Variants in ANO6 observed in about 807,000 individuals in gnomAD.
The protein encoded by ANO6 is anoctamin 6, also known as anoctamin-6.
In ANO6, 106 loss-of-function variants were observed where a neutral mutation model predicts 117.5. The observed-to-expected ratio is 0.90, with a 90% CI of 0.77 to 1.06. ANO6 has a LOEUF of 1.06. Among genes scored for constraint, ANO6 ranks in the 50% least tolerant of loss-of-function variants. The probability of loss-of-function intolerance (pLI) is 0.00; values close to 1 mark genes in which losing one functional copy is unlikely to be tolerated. For missense variants in ANO6, 955 were observed against 1,121.1 expected (o/e 0.85, Z 2.12); for synonymous variants, 367 against 385.1 (o/e 0.95, Z 0.55).
At chr12:45,408,711 G>A (rs912192463) in intron 15 of ANO6, among the ~76,000 whole-genome samples, 1 of 151,844 alleles carries the variant, frequency 6.6e-6, no homozygotes, top group Non-Finnish European at 1.5e-5. Flanking sequence ...ATTTCCCTCC[G>A]AGGAAAAAAA....
Position 45,378,083 on chromosome 12 carries a change from C to T in ANO6, c.1135C>T (p.Leu379=). The change falls in exon 10 of 20, where the codon CTG becomes TTG. Residue 379 remains leucine (L), a synonymous_variant. Coordinates refer to ENST00000320560, the MANE Select transcript of ANO6 (RefSeq NM_001025356.3). ...GTGCATCTTCGACAGTTTTGGAACC[C>T]TGGTCTTTGCAGTATTTATGGGAGT... The part of the protein sequence containing the change: ...KLCIFDSFGT[L]VFAVFMGVWV... 6.2e-7 allele frequency: 1 copy of T among 1,609,698 alleles called. No homozygotes were observed. Among genetic ancestry groups the T allele is most frequent in the Non-Finnish European group, 8.5e-7 (1 of 1,178,564 alleles).
At chr12:45,306,252 G>C (rs1209360301) in intron 2 of ANO6, among the ~76,000 whole-genome samples, 1 of 152,180 alleles carries the variant, frequency 6.6e-6, no homozygotes, top group African/African-American at 2.4e-5. Context: ...GAAGCTGGAA[G>C]ATTCTTCTTG....
In ANO6 at chr12:45,431,246, G is replaced by T. The variant is rs1170579538; in HGVS notation, c.*1935G>T. On this transcript the variant is annotated 3_prime_UTR_variant, in exon 20 of 20. Coordinates refer to ENST00000320560, the MANE Select transcript of ANO6 (RefSeq NM_001025356.3). ...CACTGAAGGAAACTCTTTCTCATTC[G>T]CAGCCAAGACGGGAGTGCCACTGTT... 2.0e-6 allele frequency: 2 copies of T among 985,200 alleles called. No homozygotes were observed. The highest frequency in any genetic ancestry group is 2.4e-6 in the Non-Finnish European group (2 of 829,932). 61.0% of individuals were successfully genotyped at this position (985,200 alleles called of 1,614,324 possible).
intron 1 of ANO6, among the ~76,000 whole-genome samples, chr12:45,234,965 G>C (rs1477259100): frequency 6.7e-6 from 1 of 149,804 alleles, no homozygotes; most frequent in Non-Finnish European, 1.5e-5. Context: ...TGTTGCTCTT[G>C]TCAGTGTTTA....
rs569517484 is a variant in ANO6 at position 45,288,272 on chromosome 12, G to A, written c.71-13742G>A. 3.9e-5 allele frequency among the ~76,000 whole-genome samples: 6 copies of A among 152,268 alleles called. No homozygotes were observed. In the South Asian group the frequency reaches 6.2e-4, roughly 16 times the overall value. ...AAACTTACCATTTTAACCATTAAGTGTATAGTTCAGCACTTAAAAGCATTA... is the reference window on the plus strand; with the variant it reads ...AAACTTACCATTTTAACCATTAAGTATATAGTTCAGCACTTAAAAGCATTA... On this transcript the variant is annotated intron_variant, in intron 1 of 19. Coordinates refer to ENST00000320560, the MANE Select transcript of ANO6 (RefSeq NM_001025356.3).
At chr12:45,334,936 T>G (rs989532069) in intron 3 of ANO6, among the ~76,000 whole-genome samples, 2 of 152,042 alleles carry the variant, frequency 1.3e-5, no homozygotes, top group African/African-American at 4.8e-5. Flanking sequence ...TTTTGTCTGA[T>G]GCTTGCCTTC....
chr12:45,375,980 A>T (rs1026155526), intron 9 of ANO6, among the ~76,000 whole-genome samples: 2 of 149,960 alleles, frequency 1.3e-5, no homozygotes, highest in Non-Finnish European at 3.0e-5. Context: ...AATATCCAGA[A>T]TCTACAATGA....
intron 3 of ANO6, among the ~76,000 whole-genome samples, chr12:45,341,877 C>G (rs1028008715): frequency 6.6e-6 from 1 of 151,934 alleles, no homozygotes; most frequent in Non-Finnish European, 1.5e-5. Context: ...TAAGGGAAGT[C>G]GAGCATGTTA....
At chr12:45,267,022 C>G (rs1938241223) in intron 1 of ANO6, among the ~76,000 whole-genome samples, 1 of 152,092 alleles carries the variant, frequency 6.6e-6, no homozygotes, top group Non-Finnish European at 1.5e-5. Flanking sequence ...GGCTTTTCAC[C>G]TGTTGAAGAC....
chr12:45,336,082 A>G (rs995400416), intron 3 of ANO6, among the ~76,000 whole-genome samples: 7 of 152,058 alleles, frequency 4.6e-5, no homozygotes, highest in Admixed American at 2.6e-4. Context: ...GAATGTTTCT[A>G]AAATTTCACT....
intron 16 of ANO6, among the ~76,000 whole-genome samples, chr12:45,410,725 A>G (rs1356120215): frequency 6.6e-6 from 1 of 152,212 alleles, no homozygotes; most frequent in African/African-American, 2.4e-5. Context: ...GTTGGCAAAG[A>G]CACCCCTTTG....
At chr12:45,379,911 G>C (rs987022528) in intron 10 of ANO6, among the ~76,000 whole-genome samples, 1 of 152,278 alleles carries the variant, frequency 6.6e-6, no homozygotes, top group Non-Finnish European at 1.5e-5. Flanking sequence ...TAAGTGCTTT[G>C]TGTGGCTTTC....
intron 16 of ANO6, 48 bp downstream of exon 16, chr12:45,409,535 G>A (rs1943032667): frequency 6.3e-7 from 1 of 1,591,536 alleles, no homozygotes; most frequent in East Asian, 2.2e-5. Flanking sequence ...GTTAGAGTAT[G>A]TTGTGGATAC....
intron 2 of ANO6, chr12:45,313,294 A>C (rs1293876855): frequency 6.6e-6 from 1 of 151,982 alleles, no homozygotes; most frequent in Non-Finnish European, 1.5e-5. Context: ...CTGCTCTCAG[A>C]CCTCTGTGGA....
intron 2 of ANO6, among the ~76,000 whole-genome samples, chr12:45,321,295 A>T (rs530185391): frequency 6.6e-6 from 1 of 152,186 alleles, no homozygotes; most frequent in Non-Finnish European, 1.5e-5. Flanking sequence ...GTTAGTTGCA[A>T]TGTGGAATGT....
intron 3 of ANO6, 86 bp downstream of exon 3, chr12:45,331,509 A>G: frequency 8.2e-7 from 1 of 1,217,438 alleles, no homozygotes; most frequent in Non-Finnish European, 1.1e-6. Flanking sequence ...AATAAAGTGA[A>G]ACTGATGTTG....
At chr12:45,291,365 A>C (rs1218763050) in intron 1 of ANO6, among the ~76,000 whole-genome samples, 1 of 151,376 alleles carries the variant, frequency 6.6e-6, no homozygotes, top group Admixed American at 6.6e-5. Flanking sequence ...AAAAAAAAAA[A>C]AAAACACAAA....
At chr12:45,287,932 A>AT (rs1397152454) in intron 1 of ANO6, among the ~76,000 whole-genome samples, 1 of 152,192 alleles carries the variant, frequency 6.6e-6, no homozygotes, top group African/African-American at 2.4e-5. Flanking sequence ...AAACATAACA[A>AT]TTTTTAAAAT....
chr12:45,402,028 C>G lies in ANO6; in HGVS notation c.1612+8C>G. On this transcript the variant is annotated splice_region_variant and intron_variant, in intron 13 of 19. Transcript: ENST00000320560. The stretch of plus-strand genomic sequence containing the variant: ...TTATGATTACTAACTTCGGTAAGGT[C>G]CTACTATAGCTTAGGTAACTTCTGA... 6.2e-7 allele frequency: 1 copy of G among 1,606,418 alleles called. No individual in the cohort carries two copies. Among genetic ancestry groups the G allele is most frequent in the Non-Finnish European group, 8.5e-7 (1 of 1,173,878 alleles).
Sources: gnomAD v4.1 joint callset for allele counts (sites outside exome capture counted in the v4.1 genomes callset) on GRCh38, gnomAD v4.1.1 for gene constraint, MANE v1.5 for transcripts, NCBI Gene and HGNC (gene_info 2026-07-23, HGNC 2026-07-21) for gene names.